LRRTM3: variants seen among roughly 807,000 people sequenced by gnomAD.
LRRTM3 encodes leucine rich repeat transmembrane neuronal 3, also known as leucine-rich repeat transmembrane neuronal protein 3.
In LRRTM3, 24 loss-of-function variants were observed where a neutral mutation model predicts 44.7. The ratio of observed to expected loss-of-function variants is 0.54; its 90% CI spans 0.39 to 0.76. The LOEUF is 0.76. Ranked by LOEUF, LRRTM3 falls within the 30% of genes least tolerant of loss-of-function variation. LRRTM3 has a pLI of 0.00. For synonymous variants in LRRTM3, 277 were observed against 278.7 expected, an observed-to-expected ratio of 0.99 and a Z score of 0.06; for missense variants, 587 against 702.2, an observed-to-expected ratio of 0.84 and a Z score of 1.85.
intron 2 of LRRTM3, among the ~76,000 whole-genome samples, chr10:66,997,929 T>C (rs1302636849): frequency 6.6e-6 from 1 of 152,116 alleles, no homozygotes; most frequent in Non-Finnish European, 1.5e-5. Context: ...ATATTGCAAA[T>C]CTATTTGTTC....
At chr10:66,975,985 C>A (rs1242445340) in intron 2 of LRRTM3, among the ~76,000 whole-genome samples, 1 of 152,088 alleles carries the variant, frequency 6.6e-6, no homozygotes, top group Non-Finnish European at 1.5e-5. Flanking sequence ...CAGTTAAAAA[C>A]CAGAGTTGAT....
chr10:67,024,400 T>C (rs1352403455), intron 2 of LRRTM3, among the ~76,000 whole-genome samples: 1 of 152,242 alleles, frequency 6.6e-6, no homozygotes, highest in Non-Finnish European at 1.5e-5. Context: ...TAATCCAGTA[T>C]CATTTCCCTA....
At chr10:67,034,512 G>T (rs1246147412) in intron 2 of LRRTM3, among the ~76,000 whole-genome samples, 3 of 151,852 alleles carry the variant, frequency 2.0e-5, no homozygotes, top group African/African-American at 7.3e-5. Context: ...CTGGTTCCTG[G>T]GTATTGTCAT....
intron 2 of LRRTM3, among the ~76,000 whole-genome samples, chr10:67,061,569 T>C (rs1489330945): frequency 6.6e-6 from 1 of 152,130 alleles, no homozygotes; most frequent in Non-Finnish European, 1.5e-5. Flanking sequence ...AAAATGAATA[T>C]AAGGGCCAAT....
intron 2 of LRRTM3, among the ~76,000 whole-genome samples, chr10:67,026,660 C>T (rs1306522031): frequency 1.3e-5 from 2 of 152,108 alleles, no homozygotes; most frequent in Non-Finnish European, 1.5e-5. Flanking sequence ...TGGGAGGAAA[C>T]CAATTTCTTC....
Position 66,928,239 on chromosome 10 carries a change from A to G in LRRTM3, c.1323A>G (p.Ser441=). 1 of 1,614,164 alleles carries G rather than the reference A, an allele frequency of 6.2e-7. No individual in the cohort carries two copies. The highest frequency in any genetic ancestry group is 8.5e-7 in the Non-Finnish European group (1 of 1,180,040). Residue 441 remains serine (S), a synonymous_variant, in exon 2 of 3, where the codon TCA becomes TCG. Coordinates refer to ENST00000361320, the MANE Select transcript of LRRTM3 (RefSeq NM_178011.5). ...TCATCCTGCTGGTTATCTACGTGTC[A>G]TGGAAGCGGTACCCTGCGAGCATGA... is the stretch of plus-strand genomic sequence containing the variant. The part of the protein sequence containing the change: ...VLVILLVIYV[S]WKRYPASMKQ...
intron 2 of LRRTM3, among the ~76,000 whole-genome samples, chr10:66,991,908 T>A (rs2132938410): frequency 6.6e-6 from 1 of 152,326 alleles, no homozygotes; most frequent in African/African-American, 2.4e-5. Context: ...GAAGGCCATC[T>A]ATTCACCACT....
intron 2 of LRRTM3, among the ~76,000 whole-genome samples, chr10:66,964,088 G>A (rs1175453382): frequency 6.6e-6 from 1 of 151,776 alleles, no homozygotes; most frequent in East Asian, 1.9e-4. Context: ...CTGACCTCGT[G>A]ATCTGCCTGC....
intron 2 of LRRTM3, among the ~76,000 whole-genome samples, chr10:67,012,530 T>C (rs1852403178): frequency 6.6e-6 from 1 of 152,206 alleles, no homozygotes; most frequent in South Asian, 2.1e-4. Flanking sequence ...TCTCCAAAGC[T>C]TTATTTCAAA....
At chr10:66,946,371 G>C (rs1175373309) in intron 2 of LRRTM3, among the ~76,000 whole-genome samples, 1 of 152,166 alleles carries the variant, frequency 6.6e-6, no homozygotes, top group Non-Finnish European at 1.5e-5. Context: ...AGAGACATTT[G>C]TATAGTTTAA....
intron 2 of LRRTM3, among the ~76,000 whole-genome samples, chr10:66,984,843 G>GC (rs1479907819): frequency 1.3e-5 from 2 of 152,024 alleles, no homozygotes; most frequent in African/African-American, 2.4e-5. Context: ...GTAAAGACAT[G>GC]CCCCACAAAA....
At chr10:67,067,971 C>A (rs1007652515) in intron 2 of LRRTM3, among the ~76,000 whole-genome samples, 6 of 152,094 alleles carry the variant, frequency 3.9e-5, no homozygotes, top group Admixed American at 2.0e-4. Context: ...ACAGGGAAAC[C>A]CACATTTAAA....
chr10:67,055,166 C>A lies in LRRTM3; in HGVS notation c.1537-42421C>A, dbSNP rs1855347042. 3.9e-5 allele frequency: 6 copies of A among 152,132 alleles called. 1 individual carries two copies. In the South Asian group the frequency reaches 1.2e-3, roughly 31 times the overall value. 9.4% of individuals were successfully genotyped at this position (152,132 alleles called of 1,614,324 possible). ...TCCTACCTACGCATCTTTGAGACAG[C>A]TGCATAGGCTCTTTGCATCTCAACT... On this transcript the variant is annotated intron_variant, in intron 2 of 2. Transcript: ENST00000361320.
chr10:66,960,633 C>T (rs537423166), intron 2 of LRRTM3, among the ~76,000 whole-genome samples: 58 of 152,140 alleles, frequency 3.8e-4, no homozygotes, highest in Non-Finnish European at 7.5e-4. Flanking sequence ...TGAACATATT[C>T]CATCTTTGAC....
intron 2 of LRRTM3, among the ~76,000 whole-genome samples, chr10:66,965,568 T>G (rs1300453570): frequency 2.1e-5 from 2 of 95,322 alleles, no homozygotes; most frequent in East Asian, 4.6e-4. Flanking sequence ...AAAAGCTGTT[T>G]TTTTTTTTTT....
rs1172483882 is a variant in LRRTM3, at chr10:66,928,031, C to T, written c.1115C>T (p.Ala372Val). The change falls in exon 2 of 3, where the codon GCC becomes GTC. Residue 372 changes from alanine to valine, a missense_variant. Ala to Val is a moderately conservative substitution (Grantham distance 64). Around this residue, in one of 3 missense-constraint regions of LRRTM3, gnomAD observed 315 missense variants for 335.6 expected, o/e 0.94. Transcript: ENST00000361320. ...GKSTTERFDL[A>V]RALPKPTFKP... Reference sequence around the variant, plus strand: ...AGTACTACAGAGAGGTTTGATCTGGCCAGGGCTCTCCCAAAGCCGACGTTT... The same window carrying T: ...AGTACTACAGAGAGGTTTGATCTGGTCAGGGCTCTCCCAAAGCCGACGTTT... 1 of 1,613,954 alleles carries T rather than the reference C, an allele frequency of 6.2e-7. No individual in the cohort carries two copies. Among genetic ancestry groups the T allele is most frequent in the Non-Finnish European group, 8.5e-7 (1 of 1,180,048 alleles).
At position 67,100,792 on chromosome 10, in the gene LRRTM3, A is replaced by C. The variant is rs1255933228; in HGVS notation, c.*2996A>C. Among the ~76,000 whole-genome samples, 3 of 151,826 alleles carry C rather than the reference A, an allele frequency of 2.0e-5. No individual in the cohort carries two copies. The East Asian group carries it at 5.8e-4, about 30-fold the overall frequency. On this transcript the variant is annotated 3_prime_UTR_variant, in exon 3 of 3. Coordinates refer to ENST00000361320, the MANE Select transcript of LRRTM3 (RefSeq NM_178011.5). ...CTTCATAACAACCCTATGAAGACAC[A>C]TTAATCTCAAAGAAATTGAGCTCTT...
At chr10:66,974,737 GTTTTAT>G (rs1255920989) in intron 2 of LRRTM3, among the ~76,000 whole-genome samples, 2 of 150,594 alleles carry the variant, frequency 1.3e-5, no homozygotes, top group African/African-American at 2.4e-5. Context: ...TCTCATTGTG[GTTTTAT>G]TTTTAATTTC....
intron 2 of LRRTM3, chr10:67,012,864 A>G (rs946342687): frequency 6.6e-6 from 1 of 152,180 alleles, no homozygotes. Flanking sequence ...TGCAGGTGGG[A>G]AAAATGTTAC....
Sources: gnomAD v4.1 joint callset for allele counts (sites outside exome capture counted in the v4.1 genomes callset) on GRCh38, gnomAD v4.1.1 for gene constraint, gnomAD v4.1.1 regional missense constraint, MANE v1.5 for transcripts, NCBI Gene and HGNC (gene_info 2026-07-23, HGNC 2026-07-21) for gene names.